Variants in C6orf132 observed in about 807,000 individuals in gnomAD.
C6orf132 encodes the protein uncharacterized protein C6orf132.
A neutral mutation model predicts 65.3 loss-of-function variants in C6orf132; 43 were observed. The ratio of observed to expected loss-of-function variants is 0.66; its 90% CI spans 0.52 to 0.85. C6orf132 has a LOEUF of 0.85. C6orf132 is among the 40% of genes least tolerant of loss of function. The probability of loss-of-function intolerance (pLI) is 0.00; values close to 1 mark genes in which losing one functional copy is unlikely to be tolerated. For synonymous variants in C6orf132, 631 were observed against 654.1 expected (o/e 0.96, Z 0.54); for missense variants, 1,488 against 1,548.8 (o/e 0.96, Z 0.66).
rs887807764 is a variant in C6orf132 at position 42,102,220 on chromosome 6, C to G, written c.*1541G>C. 1.2e-4 allele frequency: 17 copies of G among 140,150 alleles called. No homozygotes were observed. The highest frequency in any genetic ancestry group is 1.0e-3 in the Admixed American group (14 of 13,598). The allele number at this position is 140,150 out of a possible 1,614,324, so 8.7% of individuals were successfully genotyped here. On this transcript the variant is annotated 3_prime_UTR_variant, in exon 5 of 5. Transcript: ENST00000341865. ...ACCCTACTGATAGGTCTCCCCTGCT[C>G]CTTTTTTTTTTTTTTTTTTTTTTTT...
intron 1 of C6orf132, among the ~76,000 whole-genome samples, chr6:42,137,606 A>G (rs192520371): frequency 9.9e-5 from 15 of 152,080 alleles, no homozygotes; most frequent in Non-Finnish European, 1.8e-4. Flanking sequence ...CATTCTTTCC[A>G]TATTTATGTA....
chr6:42,111,241 A>G lies in C6orf132; in HGVS notation c.253-950T>C, dbSNP rs536318910. On this transcript the variant is annotated intron_variant, in intron 2 of 4. Coordinates refer to ENST00000341865, the MANE Select transcript of C6orf132 (RefSeq NM_001164446.3). ...TGGCTCAAGCAATCTTCCCATCTGT[A>G]GCTGGGACTACAGATGTGTGCCACC... 4.7e-5 allele frequency among the ~76,000 whole-genome samples: 7 copies of G among 149,524 alleles called. No homozygotes were observed. In the East Asian group the frequency reaches 1.4e-3, roughly 29 times the overall value.
Position 42,110,294 on chromosome 6 carries a change from G to A in C6orf132, c.253-3C>T. 2 of 1,545,578 alleles carry A rather than the reference G, an allele frequency of 1.3e-6. No homozygotes were observed. The highest frequency in any genetic ancestry group is 1.7e-6 in the Non-Finnish European group (2 of 1,144,674). On this transcript the variant is annotated splice_polypyrimidine_tract_variant and splice_region_variant and intron_variant, in intron 2 of 4. Transcript: ENST00000341865. ...AGCCCATGGTTTTCCTGGGCATTCT[G>A]AAAGAGACCAGAAAGAAATCAGGGG...
At chr6:42,132,971 T>A (rs1766877612) in intron 1 of C6orf132, among the ~76,000 whole-genome samples, 3 of 152,080 alleles carry the variant, frequency 2.0e-5, no homozygotes, top group Admixed American at 1.3e-4. Flanking sequence ...AGGCACAGCA[T>A]GAGGTGAGGC....
In C6orf132 at chr6:42,106,049, TTGAG is replaced by T; in HGVS notation, c.1859_1862del (p.Pro620HisfsTer71). On this transcript the variant is annotated frameshift_variant, in exon 4 of 5. Transcript: ENST00000341865. LOFTEE classifies it high-confidence loss of function. ...ATGTAGTTGGCAGCAGGGTGGTGGA[TTGAG>T]GTGGCAGATTCTTGGCCACAGGCTT... The T allele has an allele frequency of 6.5e-7, 1 of 1,537,170 alleles. No homozygotes were observed. Among genetic ancestry groups the T allele is most frequent in the Non-Finnish European group, 8.7e-7 (1 of 1,146,892 alleles).
intron 1 of C6orf132, among the ~76,000 whole-genome samples, chr6:42,142,088 G>T (rs1767043721): frequency 6.6e-6 from 1 of 152,174 alleles, no homozygotes; most frequent in Admixed American, 6.5e-5. Context: ...TGGTGGTGGG[G>T]GGGGTCCCCT....
rs1051858018 is a variant in C6orf132 at position 42,102,959 on chromosome 6, A to C, written c.*802T>G. 1 of 397,842 alleles carries C rather than the reference A, an allele frequency of 2.5e-6. No homozygotes were observed. Among genetic ancestry groups the C allele is most frequent in the African/African-American group, 2.1e-5 (1 of 48,744 alleles). 24.6% of individuals were successfully genotyped at this position (397,842 alleles called of 1,614,324 possible). On this transcript the variant is annotated 3_prime_UTR_variant, in exon 5 of 5. Transcript: ENST00000341865. ...TGGCTCCTTGGGCCCAGTCCCCAAA[A>C]TCAGGGCTGCACAGGTCTGAATAGC... is the stretch of plus-strand genomic sequence containing the variant.
chr6:42,129,833 T>A (rs1766824800), intron 1 of C6orf132, among the ~76,000 whole-genome samples: 1 of 152,226 alleles, frequency 6.6e-6, no homozygotes, highest in African/African-American at 2.4e-5. Context: ...AAGGTTAGAA[T>A]CCCAGTTAGC....
intron 1 of C6orf132, among the ~76,000 whole-genome samples, chr6:42,138,743 A>AT (rs1766989972): frequency 6.6e-6 from 1 of 152,088 alleles, no homozygotes. Flanking sequence ...TTAATCCAAG[A>AT]TGCAAGGGAG....
chr6:42,139,407 G>T (rs762968733), intron 1 of C6orf132, among the ~76,000 whole-genome samples: 1 of 152,232 alleles, frequency 6.6e-6, no homozygotes, highest in Non-Finnish European at 1.5e-5. Context: ...TAGAGGAGGG[G>T]CCAGTAAACT....
In C6orf132 at chr6:42,106,567, T is replaced by TG. The variant is rs774701362; in HGVS notation, c.1344dup (p.Ser449GlnfsTer63). 1.5e-5 allele frequency: 22 copies of TG among 1,503,200 alleles called. No individual in the cohort carries two copies. Among genetic ancestry groups the TG allele is most frequent in the Middle Eastern group, 1.7e-4 (1 of 5,934 alleles). The allele number at this position is 1,503,200 out of a possible 1,614,324, so 93.1% of individuals were successfully genotyped here. A position where few individuals can be genotyped will look rare whatever the true frequency, so the allele number is the denominator to read the frequency against. On this transcript the variant is annotated frameshift_variant, in exon 4 of 5. Coordinates refer to ENST00000341865, the MANE Select transcript of C6orf132 (RefSeq NM_001164446.3). LOFTEE classifies it high-confidence loss of function. ...GCTGAAGACGCTGTGTTCTCTGGGC[T>TG]GGGGGGGTTGGGTTTGGGTTTGAGA...
At position 42,106,832 on chromosome 6, in the gene C6orf132, T is replaced by G. The variant is rs1295559232; in HGVS notation, c.1080A>C (p.Pro360=). Residue 360 remains proline (P), a synonymous_variant, in exon 4 of 5, where the codon CCA becomes CCC. Transcript: ENST00000341865. ...SQVYPDRAPE[P]DCPGELKATA... ...TGGCCTTGAGCTCCCCAGGGCAGTC[T>G]GGCTCGGGGGCCCTGTCTGGGTAGA... 2 of 1,534,984 alleles carry G rather than the reference T, an allele frequency of 1.3e-6. No homozygotes were observed. Among genetic ancestry groups the G allele is most frequent in the African/African-American group, 2.8e-5 (2 of 72,638 alleles).
In C6orf132 at chr6:42,103,641, CCT is replaced by C; in HGVS notation, c.*118_*119del. 3 of 500,088 alleles carry C rather than the reference CCT, an allele frequency of 6.0e-6. No homozygotes were observed. The highest frequency in any genetic ancestry group is 9.7e-6 in the Non-Finnish European group (3 of 310,648). 31.0% of individuals were successfully genotyped at this position (500,088 alleles called of 1,614,324 possible). A position where few individuals can be genotyped will look rare whatever the true frequency, so the allele number is the denominator to read the frequency against. On this transcript the variant is annotated 3_prime_UTR_variant, in exon 5 of 5. Transcript: ENST00000341865. ...CGTTGGTCTTTGGGGATCAAAGACT[CCT>C]CTGTGTCTGAGTCAGGTCGCCCAAC...
chr6:42,109,231 G>A (rs1211581060), intron 3 of C6orf132, among the ~76,000 whole-genome samples: 1 of 152,054 alleles, frequency 6.6e-6, no homozygotes, highest in African/African-American at 2.4e-5. Flanking sequence ...TCAAGAGATA[G>A]AGACCATCCT....
At chr6:42,123,421 A>G (rs1471625275) in intron 2 of C6orf132, among the ~76,000 whole-genome samples, 1 of 148,278 alleles carries the variant, frequency 6.7e-6, no homozygotes, top group Non-Finnish European at 1.5e-5. Flanking sequence ...AGAAGAAAGA[A>G]GAAAGGAGAA....
At chr6:42,114,625 G>A (rs1032708841) in intron 2 of C6orf132, among the ~76,000 whole-genome samples, 1 of 152,240 alleles carries the variant, frequency 6.6e-6, no homozygotes, top group Non-Finnish European at 1.5e-5. Flanking sequence ...AAATGCACAG[G>A]TGTGGACAGC....
intron 1 of C6orf132, among the ~76,000 whole-genome samples, chr6:42,137,911 C>G (rs1313848634): frequency 2.0e-5 from 3 of 152,098 alleles, no homozygotes; most frequent in Admixed American, 2.0e-4. Flanking sequence ...CCCGTCTCTA[C>G]TAAAAATACA....
chr6:42,130,004 C>T (rs115448474), intron 1 of C6orf132, among the ~76,000 whole-genome samples: 13,430 of 152,280 alleles, frequency 0.088, 624 homozygotes, highest in Middle Eastern at 0.15. Flanking sequence ...ATCCCCACAC[C>T]GATAGCCGCA....
Position 42,105,587 on chromosome 6 carries a change from C to T in C6orf132, c.2325G>A (p.Gln775=), listed in dbSNP as rs1766387661. 2 of 1,536,820 alleles carry T rather than the reference C, an allele frequency of 1.3e-6. No individual in the cohort carries two copies. The highest frequency in any genetic ancestry group is 1.7e-6 in the Non-Finnish European group (2 of 1,146,896). ...CAGCAACCTCACGGCTGAGGCTGCT[C>T]TGGTGGCAGTGGGGCTTGTAGAGAC... is the stretch of plus-strand genomic sequence containing the variant. ...VPCLYKPHCH[Q]SSLSREVAVV... The change falls in exon 4 of 5, where the codon CAG becomes CAA. Residue 775 remains glutamine (Q), a synonymous_variant. Coordinates refer to ENST00000341865, the MANE Select transcript of C6orf132 (RefSeq NM_001164446.3).
Sources: gnomAD v4.1 joint callset for allele counts (sites outside exome capture counted in the v4.1 genomes callset) on GRCh38, gnomAD v4.1.1 for gene constraint, MANE v1.5 for transcripts, NCBI Gene and HGNC (gene_info 2026-07-23, HGNC 2026-07-21) for gene names.